WNT5B: variants seen among roughly 807,000 people sequenced by gnomAD.
The protein encoded by WNT5B is Wnt family member 5B, also known as protein Wnt-5b.
In WNT5B, 18 loss-of-function variants were observed where a neutral mutation model predicts 36.5. The ratio of observed to expected loss-of-function variants is 0.49; its 90% CI spans 0.34 to 0.73. The LOEUF is 0.73. WNT5B is among the 30% of genes least tolerant of loss of function. The pLI is 0.01. For synonymous variants in WNT5B, 213 were observed against 212.3 expected, an observed-to-expected ratio of 1.00 and a Z score of -0.03; for missense variants, 424 against 508.4, an observed-to-expected ratio of 0.83 and a Z score of 1.60.
At chr12:1,639,558 G>A in intron 3 of WNT5B, 126 bp from the exon 4 acceptor site, 2 of 1,077,204 alleles carry the variant, frequency 1.9e-6, no homozygotes, top group Non-Finnish European at 2.5e-6. Flanking sequence ...TACGGGAAGC[G>A]AAGCCCCCTG....
At position 1,639,688 on chromosome 12, in the gene WNT5B, C is replaced by T; in HGVS notation, c.333C>T (p.Ser111=). 2 of 1,555,470 alleles carry T rather than the reference C, an allele frequency of 1.3e-6. No individual in the cohort carries two copies. Among genetic ancestry groups the T allele is most frequent in the South Asian group, 1.2e-5 (1 of 84,642 alleles). ...SVFGRVMQIG[S]RETAFTHAVS... is the part of the protein sequence containing the mutation. ...CGCCCTGGCCTCATTCTGCAGGCAG[C>T]CGAGAGACCGCCTTCACCCACGCGG... The change falls in exon 4 of 5, where the codon AGC becomes AGT. Residue 111 remains serine (S), a synonymous_variant. Coordinates refer to ENST00000397196, the MANE Select transcript of WNT5B (RefSeq NM_032642.3).
rs1202017608 is a variant in WNT5B at position 1,645,985 on chromosome 12, C to G, written c.813C>G (p.Thr271=). The change falls in exon 5 of 5, where the codon ACC becomes ACG. Residue 271 remains threonine, a synonymous_variant. Transcript: ENST00000397196. The part of the protein sequence containing the change: ...GRLELVNSRF[T]QPTPEDLVYV... Reference sequence around the variant, plus strand: ...TGGAGCTGGTCAACAGCCGCTTCACCCAGCCCACCCCGGAGGACCTGGTCT... The same window carrying G: ...TGGAGCTGGTCAACAGCCGCTTCACGCAGCCCACCCCGGAGGACCTGGTCT... 6.2e-7 allele frequency: 1 copy of G among 1,611,578 alleles called. No homozygotes were observed.
At chr12:1,619,073 A>G (rs1277630703) in intron 1 of WNT5B, among the ~76,000 whole-genome samples, 1 of 152,088 alleles carries the variant, frequency 6.6e-6, no homozygotes, top group African/African-American at 2.4e-5. Flanking sequence ...CTTAAGGGCC[A>G]GAATTTAAAT....
At chr12:1,625,954 C>T (rs1223844220), upstream of WNT5B, among the ~76,000 whole-genome samples, 1 of 151,352 alleles carries the variant, frequency 6.6e-6, no homozygotes, top group South Asian at 2.1e-4. Context: ...TGAGCCACCG[C>T]ACCCTGCCTG....
chr12:1,637,581 C>CAAA (rs61542245), intron 3 of WNT5B, among the ~76,000 whole-genome samples: 1 of 110,398 alleles, frequency 9.1e-6, no homozygotes, highest in Non-Finnish European at 1.8e-5. Context: ...ACTAAACATA[C>CAAA]AAAAAAAAAA....
At chr12:1,623,220 G>A (rs1431574546) in intron 1 of WNT5B, among the ~76,000 whole-genome samples, 3 of 69,448 alleles carry the variant, frequency 4.3e-5, no homozygotes, top group African/African-American at 1.3e-4. Context: ...TTTTGAGACG[G>A]AGTCTCGCTC....
At chr12:1,635,919 C>T (rs866649934) in intron 3 of WNT5B, among the ~76,000 whole-genome samples, 1 of 152,212 alleles carries the variant, frequency 6.6e-6, no homozygotes, top group Non-Finnish European at 1.5e-5. Context: ...AACGGACTCA[C>T]TCAGCATGGT....
At chr12:1,619,557 C>A (rs1420580309) in intron 1 of WNT5B, among the ~76,000 whole-genome samples, 1 of 152,042 alleles carries the variant, frequency 6.6e-6, no homozygotes, top group Admixed American at 6.6e-5. Flanking sequence ...TTGGTTACTA[C>A]TTTTTAAAAA....
chr12:1,628,811 T>A (rs1011896338), upstream of WNT5B, among the ~76,000 whole-genome samples: 2 of 142,612 alleles, frequency 1.4e-5, no homozygotes, highest in Non-Finnish European at 3.1e-5. Flanking sequence ...AGCACAAGAA[T>A]GTAAGAGAGG....
intron 4 of WNT5B, among the ~76,000 whole-genome samples, chr12:1,641,252 G>A (rs1470897583): frequency 3.3e-5 from 5 of 152,060 alleles, no homozygotes; most frequent in African/African-American, 9.7e-5. Flanking sequence ...TGGACTTGGT[G>A]GCAGGCACCT....
Position 1,633,446 on chromosome 12 carries a change from C to CATG in WNT5B, c.328+542_328+544dup, listed in dbSNP as rs1323213443. Among the ~76,000 whole-genome samples the CATG allele has an allele frequency of 6.6e-6, 1 of 152,112 alleles. No homozygotes were observed. The highest frequency in any genetic ancestry group is 1.5e-5 in the Non-Finnish European group (1 of 68,012). ...TTTTCTTTTGAAAGAGATGTGTGAA[C>CATG]ATGGGGGAAGGGGTCAGACGAAAGA... On this transcript the variant is annotated intron_variant, in intron 3 of 4. Coordinates refer to ENST00000397196, the MANE Select transcript of WNT5B (RefSeq NM_032642.3). This position sits in a 1 kb window ranked among gnomAD's most constrained non-coding sequence, Gnocchi z 4.8.
At position 1,632,016 on chromosome 12, in the gene WNT5B, G is replaced by A. The variant is rs1445694769; in HGVS notation, c.80+582G>A. Among the ~76,000 whole-genome samples, 1 of 152,174 alleles carries A rather than the reference G, an allele frequency of 6.6e-6. No homozygotes were observed. Among genetic ancestry groups the A allele is most frequent in the Non-Finnish European group, 1.5e-5 (1 of 68,034 alleles). ...ACACTCTATATGGCTGGTAGATGATGAGCAAAAGGGAGAGCCTCTGAACTG... is the reference window on the plus strand; with the variant it reads ...ACACTCTATATGGCTGGTAGATGATAAGCAAAAGGGAGAGCCTCTGAACTG... On this transcript the variant is annotated intron_variant, in intron 2 of 4. Transcript: ENST00000397196. The surrounding 1 kb of genome is among the most constrained non-coding windows in gnomAD (Gnocchi z 5.8).
chr12:1,635,276 C>T (rs1024629765), intron 3 of WNT5B, among the ~76,000 whole-genome samples: 2 of 152,106 alleles, frequency 1.3e-5, no homozygotes, highest in South Asian at 2.1e-4. Context: ...GCTGCAGGTA[C>T]GTGATTTTAG....
chr12:1,624,384 A>G (rs2094538310), upstream of WNT5B, among the ~76,000 whole-genome samples: 1 of 148,374 alleles, frequency 6.7e-6, no homozygotes, highest in Non-Finnish European at 1.5e-5. Flanking sequence ...TCTCAAAAAA[A>G]AAAAAAAAAA....
intron 4 of WNT5B, among the ~76,000 whole-genome samples, chr12:1,642,189 C>T (rs886921585): frequency 2.0e-5 from 3 of 152,212 alleles, no homozygotes; most frequent in Admixed American, 6.5e-5. Flanking sequence ...TGTGGAGCCA[C>T]CCGGTCTCTC....
chr12:1,633,852 G>C lies in WNT5B; in HGVS notation c.328+947G>C, dbSNP rs1189808494. Among the ~76,000 whole-genome samples the C allele has an allele frequency of 1.3e-5, 2 of 150,214 alleles. No homozygotes were observed. The highest frequency in any genetic ancestry group is 4.9e-5 in the African/African-American group (2 of 40,894). ...TGCTCCTCTCTTAGGGAGGATACTT[G>C]GAAGGCTCCTTCCCCCTCCCACTTA... On this transcript the variant is annotated intron_variant, in intron 3 of 4. Transcript: ENST00000397196. This position sits in a 1 kb window ranked among gnomAD's most constrained non-coding sequence, Gnocchi z 4.8.
Position 1,639,932 on chromosome 12 carries a change from G to A in WNT5B, c.577G>A (p.Gly193Ser). The change falls in exon 4 of 5, where the codon GGC (glycine) becomes AGC (serine). Residue 193 changes from glycine (G) to serine (S), a missense_variant. Transcript: ENST00000397196. ...CTTTGCCAAAGGATCAGAGGAGCAGGGCCGGGTGCTCATGAACCTGCAAAA... is the reference window on the plus strand; with the variant it reads ...CTTTGCCAAAGGATCAGAGGAGCAGAGCCGGGTGCTCATGAACCTGCAAAA... Reference protein sequence around the residue: ...KNFAKGSEEQGRVLMNLQNNE... With the variant: ...KNFAKGSEEQSRVLMNLQNNE... The A allele has an allele frequency of 6.2e-7, 1 of 1,614,020 alleles. No individual in the cohort carries two copies. Among genetic ancestry groups the A allele is most frequent in the Non-Finnish European group, 8.5e-7 (1 of 1,179,956 alleles).
Position 1,639,378 on chromosome 12 carries a change from T to C in WNT5B, c.329-306T>C, listed in dbSNP as rs1212622310. 3.3e-5 allele frequency among the ~76,000 whole-genome samples: 5 copies of C among 152,142 alleles called. 1 individual carries two copies. Among genetic ancestry groups the C allele is most frequent in the Non-Finnish European group, 7.4e-5 (5 of 68,024 alleles). On this transcript the variant is annotated intron_variant, in intron 3 of 4. Coordinates refer to ENST00000397196, the MANE Select transcript of WNT5B (RefSeq NM_032642.3). The stretch of plus-strand genomic sequence containing the variant: ...TGGTCTCGATCTCCTGACCTCGTGG[T>C]CCGCCCGCCCCGGCCTCCCAAAGGG...
chr12:1,619,996 A>G (rs1462099648), intron 1 of WNT5B, among the ~76,000 whole-genome samples: 1 of 152,248 alleles, frequency 6.6e-6, no homozygotes, highest in Non-Finnish European at 1.5e-5. Context: ...AAGAAAATAT[A>G]ATATATAAAG....
Sources: allele counts gnomAD v4.1 joint callset (sites outside exome capture counted in the v4.1 genomes callset), GRCh38; gene constraint gnomAD v4.1.1; non-coding constraint Gnocchi (gnomAD v3.1); transcripts MANE v1.5; gene names NCBI Gene and HGNC (gene_info 2026-07-23, HGNC 2026-07-21).